SP4: variants seen among roughly 807,000 people sequenced by gnomAD.
SP4 encodes the protein Sp4 transcription factor, also known as transcription factor Sp4.
A neutral mutation model predicts 72.8 loss-of-function variants in SP4; 19 were observed. The ratio of observed to expected loss-of-function variants is 0.26; its 90% CI spans 0.18 to 0.38. SP4 has a LOEUF of 0.38. Among genes scored for constraint, SP4 ranks in the 10% least tolerant of loss-of-function variants. The pLI is 1.00. For synonymous variants in SP4, 395 were observed against 333.1 expected, an observed-to-expected ratio of 1.19 and a Z score of -2.02; for missense variants, 1,008 against 926.3, an observed-to-expected ratio of 1.09 and a Z score of -1.14.
At chr7:21,455,299 T>G (rs925849323) in intron 3 of SP4, among the ~76,000 whole-genome samples, 6 of 152,200 alleles carry the variant, frequency 3.9e-5, no homozygotes, top group Non-Finnish European at 7.3e-5. Context: ...GCTTTTGTAG[T>G]TTTTGTCCAG....
chr7:21,476,349 G>C (rs1347797375), intron 3 of SP4, among the ~76,000 whole-genome samples: 1 of 144,204 alleles, frequency 6.9e-6, no homozygotes, highest in Non-Finnish European at 1.5e-5. Flanking sequence ...TTTTATTGTT[G>C]TTTTATTGTG....
At chr7:21,495,018 T>A (rs1785072586) in intron 5 of SP4, among the ~76,000 whole-genome samples, 1 of 152,176 alleles carries the variant, frequency 6.6e-6, no homozygotes, top group African/African-American at 2.4e-5. Context: ...ATAAATTGTA[T>A]AGAAGAATTA....
intron 3 of SP4, among the ~76,000 whole-genome samples, chr7:21,446,337 C>T (rs1783426353): frequency 1.3e-5 from 2 of 152,028 alleles, no homozygotes; most frequent in Non-Finnish European, 1.5e-5. Flanking sequence ...GATTCTTTGG[C>T]AGCTGTCTGA....
chr7:21,429,240 C>T, intron 2 of SP4, 49 bp from the exon 3 acceptor site: 2 of 1,096,294 alleles, frequency 1.8e-6, no homozygotes, highest in Non-Finnish European at 2.6e-6. Context: ...ACTAAATCCG[C>T]CCACTTTTTT....
intron 3 of SP4, among the ~76,000 whole-genome samples, chr7:21,444,634 GTCTCTTA>G (rs1783363990): frequency 6.6e-6 from 1 of 152,070 alleles, no homozygotes. Flanking sequence ...TTTATTGTTT[GTCTCTTA>G]TATGCCACTG....
chr7:21,487,410 G>GT (rs200086841), intron 5 of SP4, among the ~76,000 whole-genome samples: 48,706 of 124,234 alleles, frequency 0.39, 10,259 homozygotes, highest in East Asian at 0.77. Flanking sequence ...AATCTCTAGG[G>GT]TTTTTTTTTT....
At chr7:21,436,958 C>A (rs142211338) in intron 3 of SP4, among the ~76,000 whole-genome samples, 1 of 152,270 alleles carries the variant, frequency 6.6e-6, no homozygotes, top group East Asian at 1.9e-4. Context: ...AGAATCTTGA[C>A]TTCTCCTCCA....
chr7:21,458,791 C>T lies in SP4; in HGVS notation c.1679-18288C>T, dbSNP rs1051839786. ...GGTGGCACCCCCTTCCCGCTCCCCTCCCCCCACACACGATATTAGAGAAAA... is the reference window on the plus strand; with the variant it reads ...GGTGGCACCCCCTTCCCGCTCCCCTTCCCCCACACACGATATTAGAGAAAA... On this transcript the variant is annotated intron_variant, in intron 3 of 5. Coordinates refer to ENST00000222584, the MANE Select transcript of SP4 (RefSeq NM_003112.5). Among the ~76,000 whole-genome samples, 12 of 152,114 alleles carry T rather than the reference C, an allele frequency of 7.9e-5. No individual in the cohort carries two copies. In the South Asian group the frequency reaches 1.0e-3, roughly 13 times the overall value.
At chr7:21,469,077 A>G (rs1045917234) in intron 3 of SP4, among the ~76,000 whole-genome samples, 1 of 152,158 alleles carries the variant, frequency 6.6e-6, no homozygotes, top group Non-Finnish European at 1.5e-5. Context: ...CAAGTTGCTC[A>G]TTACTTTATG....
chr7:21,469,177 T>C (rs1784253978), intron 3 of SP4, among the ~76,000 whole-genome samples: 1 of 152,144 alleles, frequency 6.6e-6, no homozygotes, highest in African/African-American at 2.4e-5. Flanking sequence ...TGCACAACTA[T>C]TAAAATAATT....
At chr7:21,471,658 A>T (rs1056530143) in intron 3 of SP4, among the ~76,000 whole-genome samples, 26 of 152,042 alleles carry the variant, frequency 1.7e-4, no homozygotes, top group Admixed American at 5.9e-4. Context: ...ACATAGTGAG[A>T]CATAATCTCT....
intron 3 of SP4, among the ~76,000 whole-genome samples, chr7:21,460,951 C>A (rs1783952392): frequency 6.6e-6 from 1 of 152,050 alleles, no homozygotes; most frequent in South Asian, 2.1e-4. Flanking sequence ...AAGTCCCCAC[C>A]AAGATTAGCT....
At chr7:21,433,817 G>A (rs1353633794) in intron 3 of SP4, among the ~76,000 whole-genome samples, 11 of 152,138 alleles carry the variant, frequency 7.2e-5, no homozygotes, top group African/African-American at 1.9e-4. Flanking sequence ...GCACATGCCC[G>A]TAGTCCCAGC....
At chr7:21,492,249 C>T (rs142902476) in intron 5 of SP4, among the ~76,000 whole-genome samples, 1,633 of 152,252 alleles carry the variant, frequency 0.011, 31 homozygotes, top group African/African-American at 0.037. Context: ...CCAACCACTA[C>T]AGAGAGGGTG....
intron 5 of SP4, among the ~76,000 whole-genome samples, chr7:21,487,591 T>C (rs1784854456): frequency 6.6e-6 from 1 of 152,182 alleles, no homozygotes; most frequent in Non-Finnish European, 1.5e-5. Flanking sequence ...CATTTTGTTC[T>C]CATTGTATGG....
intron 5 of SP4, among the ~76,000 whole-genome samples, chr7:21,491,385 T>C (rs1285480933): frequency 2.6e-5 from 4 of 152,012 alleles, no homozygotes; most frequent in Admixed American, 2.6e-4. Flanking sequence ...AGGAAGAAGA[T>C]TGGGGAGTCA....
chr7:21,504,926 C>T (rs965608681), intron 5 of SP4, among the ~76,000 whole-genome samples: 16 of 152,142 alleles, frequency 1.1e-4, no homozygotes, highest in African/African-American at 3.4e-4. Flanking sequence ...TTCCCTCTTC[C>T]CTCCCCAGGT....
intron 5 of SP4, among the ~76,000 whole-genome samples, chr7:21,492,985 A>C (rs931106937): frequency 9.2e-5 from 14 of 152,192 alleles, no homozygotes; most frequent in African/African-American, 2.9e-4. Context: ...GGATCACCTG[A>C]GATCAGGAGT....
At chr7:21,480,952 G>A (rs1025569857) in intron 4 of SP4, among the ~76,000 whole-genome samples, 29 of 152,136 alleles carry the variant, frequency 1.9e-4, no homozygotes, top group African/African-American at 6.3e-4. Flanking sequence ...TTTGAACCGG[G>A]GGTTGAGACA....
Sources: gnomAD v4.1 joint callset for allele counts (sites outside exome capture counted in the v4.1 genomes callset) on GRCh38, gnomAD v4.1.1 for gene constraint, MANE v1.5 for transcripts, NCBI Gene and HGNC (gene_info 2026-07-23, HGNC 2026-07-21) for gene names.